KLHL14: variants seen among roughly 807,000 people sequenced by gnomAD.
KLHL14 encodes kelch like family member 14.
A neutral mutation model predicts 64.3 loss-of-function variants in KLHL14; 22 were observed. The observed-to-expected ratio is 0.34, with a 90% CI of 0.24 to 0.49. The LOEUF (loss-of-function observed/expected upper bound fraction) is 0.49, where lower values mean the gene tolerates loss of function less well. KLHL14 is among the 20% of genes least tolerant of loss of function. The pLI, the probability that KLHL14 is intolerant of heterozygous loss-of-function variation, is 0.99. For synonymous variants in KLHL14, 322 were observed against 333.4 expected (o/e 0.97, Z 0.37); for missense variants, 661 against 789.0 (o/e 0.84, Z 1.94).
intron 3 of KLHL14, among the ~76,000 whole-genome samples, chr18:32,697,296 G>A (rs1277532305): frequency 6.6e-6 from 1 of 152,162 alleles, no homozygotes; most frequent in Non-Finnish European, 1.5e-5. Context: ...GGATCATAAT[G>A]CTGGTTCCAA....
chr18:32,709,811 A>G (rs1463205862), intron 3 of KLHL14, among the ~76,000 whole-genome samples: 1 of 152,218 alleles, frequency 6.6e-6, no homozygotes, highest in East Asian at 1.9e-4. Context: ...TGTTTGTTAA[A>G]TTAAAGACAA....
intron 4 of KLHL14, among the ~76,000 whole-genome samples, chr18:32,694,360 G>C (rs922594008): frequency 1.3e-5 from 2 of 152,166 alleles, no homozygotes; most frequent in Admixed American, 1.3e-4. Flanking sequence ...CGCATGTCAG[G>C]GTTTTCTGGT....
chr18:32,725,983 G>C (rs6506983), intron 3 of KLHL14, among the ~76,000 whole-genome samples: 44,864 of 152,144 alleles, frequency 0.29, 6,879 homozygotes, highest in African/African-American at 0.37. Context: ...ACATGTAAGT[G>C]GCTCAGTCAG....
chr18:32,745,150 C>T (rs2050218184), intron 2 of KLHL14: 1 of 152,188 alleles, frequency 6.6e-6, no homozygotes, highest in African/African-American at 2.4e-5. Context: ...ATCAAGATGC[C>T]TTCCAAATCT....
At chr18:32,688,501 A>C (rs573821351) in intron 4 of KLHL14, among the ~76,000 whole-genome samples, 1 of 152,348 alleles carries the variant, frequency 6.6e-6, no homozygotes, top group African/African-American at 2.4e-5. Flanking sequence ...AGAATGATAA[A>C]GGGGAGGCCA....
At chr18:32,754,264 A>G (rs905830329) in intron 2 of KLHL14, among the ~76,000 whole-genome samples, 1 of 152,140 alleles carries the variant, frequency 6.6e-6, no homozygotes, top group African/African-American at 2.4e-5. Context: ...TTATTAGACT[A>G]TGCTGCCTCC....
intron 2 of KLHL14, among the ~76,000 whole-genome samples, chr18:32,747,122 T>G (rs1294592552): frequency 6.6e-6 from 1 of 152,216 alleles, no homozygotes; most frequent in African/African-American, 2.4e-5. Flanking sequence ...TAAAAGTTGT[T>G]GTACAGTTGT....
intron 3 of KLHL14, among the ~76,000 whole-genome samples, chr18:32,739,564 T>C (rs1284636261): frequency 6.6e-6 from 1 of 152,096 alleles, no homozygotes; most frequent in Non-Finnish European, 1.5e-5. Flanking sequence ...AGTAAACATT[T>C]ATTTCAAAGC....
At chr18:32,682,039 T>C (rs1179066523) in intron 5 of KLHL14, among the ~76,000 whole-genome samples, 2 of 152,234 alleles carry the variant, frequency 1.3e-5, no homozygotes, top group Admixed American at 6.5e-5. Context: ...ATTTTGTTCA[T>C]GTTCAGGAAC....
intron 3 of KLHL14, chr18:32,734,127 C>T (rs1300506259): frequency 1.4e-6 from 1 of 702,296 alleles, no homozygotes; most frequent in Non-Finnish European, 2.6e-6. Flanking sequence ...TATTTGATGT[C>T]TAGTAGTATA....
chr18:32,708,279 A>C (rs929903802), intron 3 of KLHL14, among the ~76,000 whole-genome samples: 1 of 152,176 alleles, frequency 6.6e-6, no homozygotes, highest in African/African-American at 2.4e-5. Context: ...CCATCCCACC[A>C]GAGGTGCTAG....
At chr18:32,722,103 T>C (rs2050082706) in intron 3 of KLHL14, among the ~76,000 whole-genome samples, 2 of 152,218 alleles carry the variant, frequency 1.3e-5, no homozygotes, top group Non-Finnish European at 1.5e-5. Flanking sequence ...CCTGCTGCCA[T>C]ATAAAACGTG....
chr18:32,712,604 C>G (rs1373228868), intron 3 of KLHL14, among the ~76,000 whole-genome samples: 1 of 152,122 alleles, frequency 6.6e-6, no homozygotes, highest in African/African-American at 2.4e-5. Flanking sequence ...ATATTGGTCA[C>G]TTTTAAAAAA....
At chr18:32,748,398 A>T (rs1366817057) in intron 2 of KLHL14, among the ~76,000 whole-genome samples, 13 of 148,582 alleles carry the variant, frequency 8.7e-5, no homozygotes, top group African/African-American at 2.2e-4. Flanking sequence ...GAGATGGAGT[A>T]TCGCTCTGTC....
chr18:32,767,592 C>T (rs568130336), intron 2 of KLHL14, among the ~76,000 whole-genome samples: 4 of 152,306 alleles, frequency 2.6e-5, no homozygotes, highest in South Asian at 2.1e-4. Context: ...TGGAGGGTGT[C>T]GTCACGGAGC....
chr18:32,709,192 C>T (rs571187297), intron 3 of KLHL14, among the ~76,000 whole-genome samples: 8 of 152,288 alleles, frequency 5.3e-5, no homozygotes, highest in South Asian at 4.1e-4. Flanking sequence ...GCCTCACTTA[C>T]GGTGCTCCAA....
At chr18:32,764,884 A>T (rs12607879) in intron 2 of KLHL14, among the ~76,000 whole-genome samples, 73 of 150,764 alleles carry the variant, frequency 4.8e-4, no homozygotes, top group African/African-American at 1.6e-3. Flanking sequence ...AACTCTCCTA[A>T]TTTTTTTTTT....
At chr18:32,685,000 A>C (rs2049869529) in intron 5 of KLHL14, among the ~76,000 whole-genome samples, 1 of 152,118 alleles carries the variant, frequency 6.6e-6, no homozygotes, top group South Asian at 2.1e-4. Flanking sequence ...CAGCGCTGTA[A>C]GGAGCTCTTT....
At chr18:32,724,954 C>T (rs1375135276) in intron 3 of KLHL14, among the ~76,000 whole-genome samples, 1 of 151,840 alleles carries the variant, frequency 6.6e-6, no homozygotes, top group Non-Finnish European at 1.5e-5. Context: ...CACATAAGTG[C>T]TCAATTAAAA....
Sources: allele counts gnomAD v4.1 joint callset (sites outside exome capture counted in the v4.1 genomes callset), GRCh38; gene constraint gnomAD v4.1.1; transcripts MANE v1.5; gene names NCBI Gene and HGNC (gene_info 2026-07-23, HGNC 2026-07-21).